RIMS1: variants seen among roughly 807,000 people sequenced by gnomAD.
RIMS1 encodes regulating synaptic membrane exocytosis protein 1.
RIMS1 carries 83 observed loss-of-function variants against 214.1 expected under a neutral mutation model. That is an observed-to-expected ratio of 0.39 (90% CI 0.32 to 0.47). RIMS1 has a LOEUF of 0.47. RIMS1 is among the 20% of genes least tolerant of loss of function. The probability of loss-of-function intolerance (pLI) is 0.99; values close to 1 mark genes in which losing one functional copy is unlikely to be tolerated. For missense variants in RIMS1, 2,050 were observed against 2,161.8 expected (o/e 0.95, Z 1.03); for synonymous variants, 793 against 786.8 (o/e 1.01, Z -0.13).
intron 4 of RIMS1, among the ~76,000 whole-genome samples, chr6:72,125,430 G>A (rs1410535698): frequency 6.6e-6 from 1 of 152,334 alleles, no homozygotes; most frequent in Non-Finnish European, 1.5e-5. Flanking sequence ...CAGTTAGGCT[G>A]CACAGGGGTC....
chr6:71,918,226 A>G (rs1469217153), intron 1 of RIMS1, among the ~76,000 whole-genome samples: 1 of 152,108 alleles, frequency 6.6e-6, no homozygotes, highest in Non-Finnish European at 1.5e-5. Context: ...AATGGAGAGA[A>G]GAGGATGCAG....
At chr6:72,327,833 G>A (rs1480129854) in intron 28 of RIMS1, among the ~76,000 whole-genome samples, 2 of 151,736 alleles carry the variant, frequency 1.3e-5, no homozygotes, top group Non-Finnish European at 2.9e-5. Flanking sequence ...TTTGAAAAGG[G>A]AATTTTCTTA....
chr6:72,153,594 G>C (rs903400075), intron 4 of RIMS1, among the ~76,000 whole-genome samples: 1 of 152,056 alleles, frequency 6.6e-6, no homozygotes, highest in African/African-American at 2.4e-5. Context: ...TGAAATCAAA[G>C]TGGACATTAC....
chr6:71,972,027 G>T (rs1795985979), intron 2 of RIMS1, among the ~76,000 whole-genome samples: 1 of 152,056 alleles, frequency 6.6e-6, no homozygotes, highest in South Asian at 2.1e-4. Flanking sequence ...TGGGGAAATA[G>T]ATGACATCAC....
At chr6:72,110,853 T>C (rs1479095420) in intron 4 of RIMS1, among the ~76,000 whole-genome samples, 1 of 152,160 alleles carries the variant, frequency 6.6e-6, no homozygotes, top group Non-Finnish European at 1.5e-5. Flanking sequence ...CATAGATAGC[T>C]CTTATTATTT....
intron 2 of RIMS1, among the ~76,000 whole-genome samples, chr6:72,018,115 G>T (rs950851276): frequency 1.3e-5 from 2 of 152,258 alleles, no homozygotes; most frequent in Middle Eastern, 3.4e-3. Context: ...ACCCATAAGA[G>T]TGCAGGCTAG....
chr6:71,904,059 A>G (rs955487674), intron 1 of RIMS1, among the ~76,000 whole-genome samples: 3 of 151,916 alleles, frequency 2.0e-5, no homozygotes, highest in African/African-American at 7.3e-5. Flanking sequence ...GACCTTGTTT[A>G]TTATTATTTG....
At chr6:72,330,253 G>A (rs1024807038) in intron 28 of RIMS1, among the ~76,000 whole-genome samples, 4 of 151,756 alleles carry the variant, frequency 2.6e-5, no homozygotes, top group African/African-American at 9.7e-5. Flanking sequence ...AGTTATTAGC[G>A]ACTGATAAAA....
chr6:71,901,529 T>C (rs1021717544), intron 1 of RIMS1, among the ~76,000 whole-genome samples: 1 of 152,096 alleles, frequency 6.6e-6, no homozygotes, highest in African/African-American at 2.4e-5. Flanking sequence ...GCAGACTGCA[T>C]GATTGATTCC....
chr6:72,261,027 T>G, intron 19 of RIMS1: 3 of 1,259,804 alleles, frequency 2.4e-6, no homozygotes, highest in Non-Finnish European at 3.0e-6. Flanking sequence ...TTTGCGTTCC[T>G]AAAACTGAGG....
At chr6:72,045,883 TTTTTTTAA>T (rs1286997015) in intron 2 of RIMS1, among the ~76,000 whole-genome samples, 1 of 151,912 alleles carries the variant, frequency 6.6e-6, no homozygotes, top group Non-Finnish European at 1.5e-5. Context: ...GTTAAGTTTT[TTTTTTTAA>T]ATTGAAACCC....
At chr6:72,312,870 A>C (rs186033145) in intron 27 of RIMS1, among the ~76,000 whole-genome samples, 17 of 152,320 alleles carry the variant, frequency 1.1e-4, no homozygotes, top group African/African-American at 3.6e-4. Context: ...TACAGGTGGA[A>C]GCAGTCTATA....
At chr6:72,349,385 G>A (rs2097369559) in intron 29 of RIMS1, among the ~76,000 whole-genome samples, 1 of 151,936 alleles carries the variant, frequency 6.6e-6, no homozygotes, top group African/African-American at 2.4e-5. Context: ...ATTTAGGAAA[G>A]TTTCAACTGA....
At chr6:72,161,743 G>C (rs2045447374) in intron 4 of RIMS1, among the ~76,000 whole-genome samples, 1 of 140,888 alleles carries the variant, frequency 7.1e-6, no homozygotes, top group African/African-American at 2.5e-5. Context: ...TTGCACTGTG[G>C]TCTGAGAGAC....
At chr6:72,085,531 T>C (rs1834447588) in intron 2 of RIMS1, among the ~76,000 whole-genome samples, 1 of 152,178 alleles carries the variant, frequency 6.6e-6, no homozygotes, top group Admixed American at 6.5e-5. Context: ...CATTTATGCT[T>C]AAAGTTTCAT....
chr6:72,273,653 T>TA (rs927319995), intron 22 of RIMS1, among the ~76,000 whole-genome samples: 9 of 152,194 alleles, frequency 5.9e-5, no homozygotes, highest in East Asian at 1.9e-4. Flanking sequence ...CCAGTGAAAC[T>TA]AAAAAAAATT....
At chr6:71,972,123 C>G (rs912243653) in intron 2 of RIMS1, among the ~76,000 whole-genome samples, 1 of 152,114 alleles carries the variant, frequency 6.6e-6, no homozygotes, top group Admixed American at 6.5e-5. Flanking sequence ...GGTCCCCCAA[C>G]TCAGCCAAGA....
At chr6:72,213,596 T>G (rs952752919) in intron 6 of RIMS1, among the ~76,000 whole-genome samples, 1 of 152,138 alleles carries the variant, frequency 6.6e-6, no homozygotes, top group African/African-American at 2.4e-5. Context: ...TGTAAATGTG[T>G]TCCATGCTTT....
intron 28 of RIMS1, among the ~76,000 whole-genome samples, chr6:72,324,249 T>C (rs368354781): frequency 2.0e-5 from 3 of 152,070 alleles, no homozygotes; most frequent in South Asian, 4.1e-4. Flanking sequence ...TTAAAACATA[T>C]GTAGACGTGA....
Sources: gnomAD v4.1 joint callset for allele counts (sites outside exome capture counted in the v4.1 genomes callset) on GRCh38, gnomAD v4.1.1 for gene constraint, MANE v1.5 for transcripts, NCBI Gene and HGNC (gene_info 2026-07-23, HGNC 2026-07-21) for gene names.